Variants in RABGGTB observed in about 807,000 individuals in gnomAD.
The protein encoded by RABGGTB is geranylgeranyl transferase type-2 subunit beta.
A neutral mutation model predicts 44.5 loss-of-function variants in RABGGTB; 20 were observed. The observed-to-expected ratio is 0.45, with a 90% CI of 0.32 to 0.65. The LOEUF is 0.65. Ranked by LOEUF, RABGGTB falls within the 30% of genes least tolerant of loss-of-function variation. RABGGTB has a pLI of 0.05. For missense variants in RABGGTB, 302 were observed against 398.7 expected, an observed-to-expected ratio of 0.76 and a Z score of 2.06; for synonymous variants, 128 against 136.7, an observed-to-expected ratio of 0.94 and a Z score of 0.44.
At chr1:75,791,648 A>G (rs554951416) in intron 6 of RABGGTB, 77 bp downstream of exon 6, 3 of 1,272,228 alleles carry the variant, frequency 2.4e-6, no homozygotes, top group Admixed American at 2.1e-5. Context: ...TGGTTATTTC[A>G]GTGTTTGTCA....
chr1:75,794,528 T>C lies in RABGGTB; in HGVS notation c.874T>C (p.Leu292=). The C allele has an allele frequency of 6.2e-7, 1 of 1,611,862 alleles. No homozygotes were observed. Among genetic ancestry groups the C allele is most frequent in the Non-Finnish European group, 8.5e-7 (1 of 1,178,682 alleles). Residue 292 remains leucine, a synonymous_variant, in exon 9 of 9, where the codon TTA becomes CTA. Coordinates refer to ENST00000319942, the MANE Select transcript of RABGGTB (RefSeq NM_004582.4). ...TAAATAGGTGGATCCTTTTCATACC[T>C]TATTTGGAATTGCTGGATTGTCACT... ...PGDMVDPFHT[L]FGIAGLSLLG... is the part of the protein sequence containing the mutation.
chr1:75,786,652 A>G, intron 1 of RABGGTB: 1 of 267,054 alleles, frequency 3.7e-6, no homozygotes, highest in South Asian at 4.5e-5. Flanking sequence ...GGATCAGAAG[A>G]AAATTCGGTA....
At position 75,794,928 on chromosome 1, in the gene RABGGTB, T is replaced by C. The variant is rs923513762; in HGVS notation, c.*278T>C. ...GAGCTAACATAAAATAACTCTAGGT[T>C]TCTACTTGATTTTTCCCCCATGTAT... On this transcript the variant is annotated 3_prime_UTR_variant, in exon 9 of 9. Coordinates refer to ENST00000319942, the MANE Select transcript of RABGGTB (RefSeq NM_004582.4). 5.3e-6 allele frequency: 1 copy of C among 188,674 alleles called. No individual in the cohort carries two copies. The highest frequency in any genetic ancestry group is 2.4e-5 in the African/African-American group (1 of 42,050). The allele number at this position is 188,674 out of a possible 1,614,324, so 11.7% of individuals were successfully genotyped here. A position where few individuals can be genotyped will look rare whatever the true frequency, so the allele number is the denominator to read the frequency against.
intron 7 of RABGGTB, chr1:75,793,308 G>T (rs1172789947): frequency 2.0e-5 from 3 of 150,366 alleles, no homozygotes; most frequent in Non-Finnish European, 4.4e-5. Context: ...TGTTCATCAG[G>T]CTGATCTTGA....
chr1:75,789,822 C>A, intron 3 of RABGGTB, 130 bp from the exon 4 acceptor site: 1 of 655,780 alleles, frequency 1.5e-6, no homozygotes, highest in Non-Finnish European at 2.6e-6. Flanking sequence ...ACAGGAGAGT[C>A]TGCATATTTG....
At chr1:75,787,303 C>T in intron 1 of RABGGTB, 194 bp from the exon 2 acceptor site, 2 of 617,948 alleles carry the variant, frequency 3.2e-6, no homozygotes, top group Non-Finnish European at 5.8e-6. Context: ...CCTCAGTTCA[C>T]TGCAGCCTTA....
intron 1 of RABGGTB, 139 bp downstream of exon 1, chr1:75,786,413 AGT>A (rs974802174): frequency 1.6e-6 from 2 of 1,238,634 alleles, no homozygotes; most frequent in African/African-American, 3.0e-5. Context: ...AGGTTTTTTG[AGT>A]GTGAAATATT....
At chr1:75,787,099 G>A (rs779163674) in intron 1 of RABGGTB, 1 of 527,564 alleles carries the variant, frequency 1.9e-6, no homozygotes, top group South Asian at 1.4e-5. Context: ...CATGTATTCT[G>A]AATCTAAAGT....
rs751839165 is a variant in RABGGTB, at chr1:75,787,040, GAAC to G, written c.4-451_4-449del. On this transcript the variant is annotated intron_variant, in intron 1 of 8. Transcript: ENST00000319942. Reference sequence around the variant, plus strand: ...TTACTTATCTTTTTGAATGAAAAGTGAACAACAAGAAATGCTGGTGGTAATTTT... The same window carrying G: ...TTACTTATCTTTTTGAATGAAAAGTGAACAAGAAATGCTGGTGGTAATTTT... 5 of 513,510 alleles carry G rather than the reference GAAC, an allele frequency of 9.7e-6. No homozygotes were observed. In the East Asian group the frequency reaches 1.6e-4, roughly 17 times the overall value. The allele number at this position is 513,510 out of a possible 1,614,324, so 31.8% of individuals were successfully genotyped here.
chr1:75,793,944 C>G (rs1233085102), intron 7 of RABGGTB, 140 bp from the exon 8 acceptor site: 1 of 767,178 alleles, frequency 1.3e-6, no homozygotes, highest in Non-Finnish European at 2.0e-6. Context: ...ATCAGTATAT[C>G]CCTGGATTTC....
intron 7 of RABGGTB, among the ~76,000 whole-genome samples, chr1:75,792,606 G>C (rs982237740): frequency 6.6e-6 from 1 of 152,060 alleles, no homozygotes; most frequent in Non-Finnish European, 1.5e-5. Flanking sequence ...CAGAATTTTT[G>C]TTTGCAATCT....
rs753976465 is a variant in RABGGTB, at chr1:75,789,200, T to C, written c.153T>C (p.Tyr51=). ...AGTATTTGAGAATGAGTGGCATCTA[T>C]TGGGGTCTGACAGTAATGGATCTCA... ...MSEYLRMSGI[Y]WGLTVMDLMG... Residue 51 remains tyrosine (Y), a synonymous_variant, in exon 3 of 9, where the codon TAT becomes TAC. Coordinates refer to ENST00000319942, the MANE Select transcript of RABGGTB (RefSeq NM_004582.4). The C allele has an allele frequency of 6.2e-7, 1 of 1,613,906 alleles. No individual in the cohort carries two copies. Among genetic ancestry groups the C allele is most frequent in the Admixed American group, 1.7e-5 (1 of 60,010 alleles).
intron 5 of RABGGTB, 34 bp from the exon 6 acceptor site, chr1:75,791,425 CTG>C: frequency 6.3e-7 from 1 of 1,574,990 alleles, no homozygotes; most frequent in Non-Finnish European, 8.7e-7. Flanking sequence ...GCTGAATACT[CTG>C]GAATTTAACA....
chr1:75,787,059 T>C, intron 1 of RABGGTB: 1 of 519,440 alleles, frequency 1.9e-6, no homozygotes, highest in South Asian at 1.4e-5. Flanking sequence ...GAAATGCTGG[T>C]GGTAATTTTT....
chr1:75,791,201 G>T (rs1465385042), intron 4 of RABGGTB, 84 bp from the exon 5 acceptor site: 2 of 1,147,978 alleles, frequency 1.7e-6, no homozygotes, highest in Non-Finnish European at 2.6e-6. Context: ...TCAATTTAAA[G>T]TGGTAGTTGT....
intron 2 of RABGGTB, chr1:75,788,126 G>A (rs1294850088): frequency 6.5e-6 from 2 of 308,136 alleles, no homozygotes; most frequent in Non-Finnish European, 1.3e-5. Flanking sequence ...TATATGGTAT[G>A]TATTAATTTT....
chr1:75,792,709 G>A (rs1470031987), intron 7 of RABGGTB, among the ~76,000 whole-genome samples: 1 of 152,130 alleles, frequency 6.6e-6, no homozygotes, highest in Non-Finnish European at 1.5e-5. Context: ...GGTCTGTAAG[G>A]GACAAATAGT....
In RABGGTB at chr1:75,792,290, A is replaced by G. The variant is rs200289228; in HGVS notation, c.689A>G (p.Asn230Ser). 2.7e-5 allele frequency: 44 copies of G among 1,613,982 alleles called. 1 individual carries two copies. The highest frequency in any genetic ancestry group is 3.3e-4 in the Middle Eastern group (2 of 6,060). Residue 230 changes from asparagine (N) to serine (S), a missense_variant, in exon 7 of 9, where the codon AAT becomes AGT. Transcript: ENST00000319942. Reference sequence around the variant, plus strand: ...CGACAATTACCCTCAGGCGGGCTCAATGGAAGGCCGGAGAAGGTATTGTTT... The same window carrying G: ...CGACAATTACCCTCAGGCGGGCTCAGTGGAAGGCCGGAGAAGGTATTGTTT... ...CERQLPSGGL[N>S]GRPEKLPDVC...
chr1:75,789,418 A>T lies in RABGGTB; in HGVS notation c.309+62A>T. On this transcript the variant is annotated intron_variant, in intron 3 of 8. Coordinates refer to ENST00000319942, the MANE Select transcript of RABGGTB (RefSeq NM_004582.4). The stretch of plus-strand genomic sequence containing the variant: ...ATGTTCTCTTACTTCAGAGTTGGAA[A>T]TTGAAACTGTATCAGGATTTGGTCA... 2.6e-6 allele frequency: 4 copies of T among 1,519,304 alleles called. 1 individual carries two copies. In the South Asian group the frequency reaches 3.4e-5, roughly 13 times the overall value. 94.1% of individuals were successfully genotyped at this position (1,519,304 alleles called of 1,614,324 possible).
Sources: allele counts gnomAD v4.1 joint callset (sites outside exome capture counted in the v4.1 genomes callset), GRCh38; gene constraint gnomAD v4.1.1; transcripts MANE v1.5; gene names NCBI Gene and HGNC (gene_info 2026-07-23, HGNC 2026-07-21).